FAM107B: variants seen among roughly 807,000 people sequenced by gnomAD.
FAM107B encodes the protein protein FAM107B.
A neutral mutation model predicts 31.5 loss-of-function variants in FAM107B; 21 were observed. That is an observed-to-expected ratio of 0.67 (90% CI 0.47 to 0.96). FAM107B has a LOEUF of 0.96. Among genes scored for constraint, FAM107B ranks in the 40% least tolerant of loss-of-function variants. FAM107B has a pLI of 0.00. For synonymous variants in FAM107B, 157 were observed against 141.5 expected, an observed-to-expected ratio of 1.11 and a Z score of -0.78; for missense variants, 452 against 377.1, an observed-to-expected ratio of 1.20 and a Z score of -1.64.
intron 2 of FAM107B, among the ~76,000 whole-genome samples, chr10:14,593,245 A>T (rs1179128726): frequency 6.6e-6 from 1 of 152,182 alleles, no homozygotes; most frequent in East Asian, 1.9e-4. Context: ...AATTATAATT[A>T]AAAATCCTTA....
chr10:14,769,125 T>C (rs1038788784), intron 1 of FAM107B, among the ~76,000 whole-genome samples: 1 of 152,240 alleles, frequency 6.6e-6, no homozygotes, highest in South Asian at 2.1e-4. Context: ...TTGACCCTGC[T>C]GTATCCAGCA....
intron 2 of FAM107B, among the ~76,000 whole-genome samples, chr10:14,587,120 T>C (rs912676101): frequency 6.6e-6 from 1 of 152,134 alleles, no homozygotes; most frequent in Non-Finnish European, 1.5e-5. Context: ...TTTTCCTGCC[T>C]GATAATAGTC....
At chr10:14,620,445 G>T (rs976417062) in intron 2 of FAM107B, among the ~76,000 whole-genome samples, 1 of 152,052 alleles carries the variant, frequency 6.6e-6, no homozygotes, top group Non-Finnish European at 1.5e-5. Context: ...TAACTTTGTT[G>T]TTCTCCAAAA....
intron 2 of FAM107B, among the ~76,000 whole-genome samples, chr10:14,647,679 C>T (rs1260535511): frequency 1.1e-4 from 15 of 135,016 alleles, no homozygotes; most frequent in Non-Finnish European, 2.1e-4. Context: ...AAGTTAGACT[C>T]CATCTCAAAA....
At chr10:14,668,061 T>C (rs2131473607) in intron 1 of FAM107B, among the ~76,000 whole-genome samples, 1 of 152,186 alleles carries the variant, frequency 6.6e-6, no homozygotes, top group South Asian at 2.1e-4. Context: ...TGGGTTTTTT[T>C]TGGTGGAGTC....
chr10:14,725,285 G>A (rs1473855559), intron 1 of FAM107B, among the ~76,000 whole-genome samples: 3 of 152,160 alleles, frequency 2.0e-5, no homozygotes, highest in African/African-American at 7.2e-5. Context: ...GCCTTATAGA[G>A]AATGGGTGGG....
At chr10:14,746,453 A>G (rs1183266003) in intron 1 of FAM107B, among the ~76,000 whole-genome samples, 1 of 152,114 alleles carries the variant, frequency 6.6e-6, no homozygotes, top group Non-Finnish European at 1.5e-5. Flanking sequence ...TTCCATATTT[A>G]GTGCTTCCTT....
chr10:14,532,526 T>G, intron 2 of FAM107B: 1 of 152,236 alleles, frequency 6.6e-6, no homozygotes, highest in East Asian at 1.9e-4. Flanking sequence ...CAGACACTAG[T>G]TGCATTGCTC....
intron 2 of FAM107B, among the ~76,000 whole-genome samples, chr10:14,592,304 T>C (rs970568572): frequency 3.9e-5 from 6 of 152,292 alleles, no homozygotes; most frequent in African/African-American, 1.2e-4. Flanking sequence ...GGGCTACTAG[T>C]GCGGAAATGT....
chr10:14,547,369 T>C (rs1277745001), intron 2 of FAM107B, among the ~76,000 whole-genome samples: 1 of 152,174 alleles, frequency 6.6e-6, no homozygotes, highest in Non-Finnish European at 1.5e-5. Context: ...AGTCATTCTA[T>C]CATTTTGTAA....
chr10:14,746,206 G>C lies in FAM107B; in HGVS notation c.411+28047C>G, dbSNP rs944456918. Among the ~76,000 whole-genome samples the C allele has an allele frequency of 4.6e-5, 7 of 152,240 alleles. No individual in the cohort carries two copies. In the South Asian group the frequency reaches 8.3e-4, roughly 18 times the overall value. On this transcript the variant is annotated intron_variant, in intron 1 of 4. Transcript: ENST00000181796. Reference sequence around the variant, plus strand: ...TATGTGTGTCTTTGCATGTGAGATAGGTCTCTTGAATCAGCACACCAATGG... The same window carrying C: ...TATGTGTGTCTTTGCATGTGAGATACGTCTCTTGAATCAGCACACCAATGG...
At chr10:14,536,508 C>A (rs1380716420) in intron 2 of FAM107B, among the ~76,000 whole-genome samples, 1 of 152,186 alleles carries the variant, frequency 6.6e-6, no homozygotes, top group East Asian at 1.9e-4. Flanking sequence ...CTCTTAGATC[C>A]AAAGCCTCTC....
chr10:14,710,269 A>T (rs1353696867), intron 1 of FAM107B, among the ~76,000 whole-genome samples: 2 of 152,114 alleles, frequency 1.3e-5, no homozygotes, highest in African/African-American at 4.8e-5. Context: ...TAACATAGTC[A>T]GACTCCATCT....
intron 2 of FAM107B, among the ~76,000 whole-genome samples, chr10:14,665,518 C>G (rs561656770): frequency 6.6e-6 from 1 of 152,296 alleles, no homozygotes; most frequent in East Asian, 1.9e-4. Context: ...GCATTTATAA[C>G]AGCAGCTGGG....
At chr10:14,756,171 C>T (rs776923451) in intron 1 of FAM107B, among the ~76,000 whole-genome samples, 11 of 151,330 alleles carry the variant, frequency 7.3e-5, no homozygotes, top group Non-Finnish European at 1.2e-4. Context: ...TGGTATAGTG[C>T]CTTCATATAT....
intron 2 of FAM107B, among the ~76,000 whole-genome samples, chr10:14,546,215 G>A (rs1209188006): frequency 6.6e-6 from 1 of 152,208 alleles, no homozygotes; most frequent in Non-Finnish European, 1.5e-5. Context: ...TAAGTTAAGA[G>A]AGTGGCAAAG....
chr10:14,706,318 A>T (rs79474641), intron 1 of FAM107B, among the ~76,000 whole-genome samples: 1 of 151,898 alleles, frequency 6.6e-6, no homozygotes, highest in African/African-American at 2.4e-5. Context: ...TTTTTTTTTA[A>T]GACAGCTAAA....
intron 2 of FAM107B, among the ~76,000 whole-genome samples, chr10:14,559,860 C>A (rs747916645): frequency 3.0e-4 from 45 of 152,034 alleles, no homozygotes; most frequent in Non-Finnish European, 6.5e-4. Context: ...TGAGCCACCG[C>A]GCCCGGCCTC....
chr10:14,557,824 G>T (rs1365032072), intron 2 of FAM107B, among the ~76,000 whole-genome samples: 1 of 152,182 alleles, frequency 6.6e-6, no homozygotes, highest in Non-Finnish European at 1.5e-5. Flanking sequence ...GGCCTAGCCG[G>T]GGCCTAGCCA....
Sources: gnomAD v4.1 joint callset for allele counts (sites outside exome capture counted in the v4.1 genomes callset) on GRCh38, gnomAD v4.1.1 for gene constraint, MANE v1.5 for transcripts, NCBI Gene and HGNC (gene_info 2026-07-23, HGNC 2026-07-21) for gene names.